Variants in NPM2 observed in about 807,000 individuals in gnomAD.
NPM2 encodes nucleoplasmin-2.
A neutral mutation model predicts 32.0 loss-of-function variants in NPM2; 25 were observed. The observed-to-expected ratio is 0.78, with a 90% CI of 0.57 to 1.09. The LOEUF is 1.09. Among genes scored for constraint, NPM2 ranks in the 50% least tolerant of loss-of-function variants. NPM2 has a pLI of 0.00. For missense variants in NPM2, 282 were observed against 259.9 expected (o/e 1.08, Z -0.58); for synonymous variants, 111 against 94.2 (o/e 1.18, Z -1.04).
intron 6 of NPM2, 119 bp from the exon 7 acceptor site, chr8:22,033,990 T>C: frequency 6.9e-7 from 1 of 1,452,322 alleles, no homozygotes. Flanking sequence ...CACTGTCAAC[T>C]CCAGGCTAGG....
rs184446605 is a variant in NPM2 at position 22,032,203 on chromosome 8, C to A, written c.271-927C>A. Among the ~76,000 whole-genome samples, 2 of 152,124 alleles carry A rather than the reference C, an allele frequency of 1.3e-5. 1 individual carries two copies. Among genetic ancestry groups the A allele is most frequent in the Non-Finnish European group, 2.9e-5 (2 of 68,028 alleles). On this transcript the variant is annotated intron_variant, in intron 5 of 9. Transcript: ENST00000518119. ...AAAACAATAAGCTATCATTGTCATT[C>A]GAGAAAATTTGGGAAGTTTGGAAAA...
At chr8:22,029,330 G>C (rs533804645) in intron 5 of NPM2, among the ~76,000 whole-genome samples, 1 of 152,170 alleles carries the variant, frequency 6.6e-6, no homozygotes, top group South Asian at 2.1e-4. Context: ...TTTTAGTAGA[G>C]ACAGGGATTC....
chr8:22,025,146 G>A lies in NPM2; in HGVS notation c.-33-70G>A, dbSNP rs373769340. The A allele has an allele frequency of 2.3e-3, 3,038 of 1,328,822 alleles. 9 individuals carry two copies. Among genetic ancestry groups the A allele is most frequent in the Non-Finnish European group, 2.7e-3 (2,621 of 965,714 alleles). The allele number at this position is 1,328,822 out of a possible 1,614,324, so 82.3% of individuals were successfully genotyped here. A position where few individuals can be genotyped will look rare whatever the true frequency, so the allele number is the denominator to read the frequency against. On this transcript the variant is annotated intron_variant, in intron 2 of 9. Transcript: ENST00000518119. ...CCCTCAGTACCTGCCGATGCCTGCT[G>A]GTCTCTGGCATCCTCCAGTCGAGGG...
At chr8:22,036,243 C>T in intron 8 of NPM2, 1 of 474,638 alleles carries the variant, frequency 2.1e-6, no homozygotes, top group East Asian at 3.8e-5. Flanking sequence ...AACCAGACTC[C>T]ATCTCAAAAA....
chr8:22,035,739 G>A (rs1800596793), intron 8 of NPM2, among the ~76,000 whole-genome samples: 1 of 152,140 alleles, frequency 6.6e-6, no homozygotes, highest in Admixed American at 6.5e-5. Flanking sequence ...TTCAAGACCA[G>A]CCTTGCCAAC....
At chr8:22,026,768 T>C (rs746793605) in intron 5 of NPM2, among the ~76,000 whole-genome samples, 7 of 152,210 alleles carry the variant, frequency 4.6e-5, no homozygotes, top group Non-Finnish European at 1.0e-4. Flanking sequence ...TTTCTTTCTT[T>C]CTTTCTTTTA....
chr8:22,034,806 T>C (rs745502252), intron 8 of NPM2, among the ~76,000 whole-genome samples: 19 of 152,216 alleles, frequency 1.2e-4, no homozygotes, highest in Non-Finnish European at 2.4e-4. Flanking sequence ...GGAAATTACC[T>C]GCACTAAGAT....
At chr8:22,026,314 G>A (rs1800252313) in intron 5 of NPM2, among the ~76,000 whole-genome samples, 1 of 152,114 alleles carries the variant, frequency 6.6e-6, no homozygotes, top group African/African-American at 2.4e-5. Context: ...AATGATTGGA[G>A]ACTGCTGCTT....
rs751503973 is a variant in NPM2 at position 22,025,710 on chromosome 8, C to T, written c.208C>T (p.Gln70Ter). The T allele has an allele frequency of 4.3e-6, 7 of 1,613,926 alleles. No homozygotes were observed. In the Admixed American group the frequency reaches 1.2e-4, roughly 27 times the overall value. ...CGTGGAGATCCTGCCCCCAGCAAAC[C>T]AGGAGGACAAGAAGATGCAGCCGGT... ...HRVEILPPANQEDKKMQPVTI... is the reference protein window; with the variant it reads ...HRVEILPPAN The change falls in exon 5 of 10, where the codon CAG (glutamine) becomes TAG (stop). Residue 70 changes from glutamine to a stop codon, truncating the protein, a stop_gained. Transcript: ENST00000518119. LOFTEE classifies it high-confidence loss of function.
At chr8:22,034,087 A>C in intron 6 of NPM2, 22 bp from the exon 7 acceptor site, 1 of 1,565,810 alleles carries the variant, frequency 6.4e-7, no homozygotes, top group Non-Finnish European at 8.6e-7. Flanking sequence ...GTGCCCCTGC[A>C]TCCTTTCCCA....
chr8:22,033,225 TA>T lies in NPM2; in HGVS notation c.364+4del. 1 of 1,613,008 alleles carries T rather than the reference TA, an allele frequency of 6.2e-7. No individual in the cohort carries two copies. The highest frequency in any genetic ancestry group is 8.5e-7 in the Non-Finnish European group (1 of 1,179,056). ...TCCTCAGTGGCCAGGAACGTTATGG[TA>T]AGTCAGAGCCTGCGATCAGGAAGGT... On this transcript the variant is annotated splice_donor_region_variant and intron_variant, in intron 6 of 9. Transcript: ENST00000518119.
chr8:22,034,013 C>A, intron 6 of NPM2, 96 bp from the exon 7 acceptor site: 1 of 1,497,554 alleles, frequency 6.7e-7, no homozygotes, highest in Non-Finnish European at 8.9e-7. Context: ...TCCTCCAGGG[C>A]AGTGCTTGGA....
At chr8:22,030,077 T>C (rs1397493454) in intron 5 of NPM2, among the ~76,000 whole-genome samples, 1 of 152,140 alleles carries the variant, frequency 6.6e-6, no homozygotes, top group African/African-American at 2.4e-5. Flanking sequence ...CAATTAGATA[T>C]ATGTTGGGCC....
intron 7 of NPM2, 62 bp downstream of exon 7, chr8:22,034,337 G>A (rs965016998): frequency 3.3e-5 from 50 of 1,507,100 alleles, no homozygotes; most frequent in Non-Finnish European, 3.6e-5. Flanking sequence ...ACTTAAGAGG[G>A]GTGGGCCACC....
intron 6 of NPM2, 38 bp downstream of exon 6, chr8:22,033,261 C>T (rs769817764): frequency 6.6e-7 from 1 of 1,504,970 alleles, no homozygotes; most frequent in South Asian, 1.1e-5. Context: ...TCCGTGAGTA[C>T]CGTGCTAGGC....
In NPM2 at chr8:22,033,120, C is replaced by G; in HGVS notation, c.271-10C>G. On this transcript the variant is annotated splice_polypyrimidine_tract_variant and intron_variant, in intron 5 of 9. Transcript: ENST00000518119. ...AGTGGCCCTGTCTTCTCTGCTTCCT[C>G]CCCCTGCAGGTCTCCATGGTAGGAG... The G allele has an allele frequency of 6.2e-7, 1 of 1,611,132 alleles. No homozygotes were observed. The highest frequency in any genetic ancestry group is 8.5e-7 in the Non-Finnish European group (1 of 1,177,306).
Position 22,035,251 on chromosome 8 carries a change from A to G in NPM2, c.566+707A>G, listed in dbSNP as rs138512136. Among the ~76,000 whole-genome samples, 661 of 152,336 alleles carry G rather than the reference A, an allele frequency of 4.3e-3. 5 individuals carry two copies. The highest frequency in any genetic ancestry group is 0.015 in the African/African-American group (632 of 41,574). Reference sequence around the variant, plus strand: ...CATAATGCTTATGAAGAATATAGCAACCTGGAAAGTATGTGTATAGTTTTG... The same window carrying G: ...CATAATGCTTATGAAGAATATAGCAGCCTGGAAAGTATGTGTATAGTTTTG... On this transcript the variant is annotated intron_variant, in intron 8 of 9. Transcript: ENST00000518119.
intron 5 of NPM2, among the ~76,000 whole-genome samples, chr8:22,027,486 C>G (rs1456082021): frequency 1.3e-5 from 2 of 152,168 alleles, no homozygotes; most frequent in African/African-American, 4.8e-5. Context: ...ATAAATATCC[C>G]AAATTTAACA....
intron 5 of NPM2, 81 bp downstream of exon 5, chr8:22,025,853 C>G: frequency 6.3e-7 from 1 of 1,576,356 alleles, no homozygotes; most frequent in Non-Finnish European, 8.7e-7. Flanking sequence ...CACGAGGGTG[C>G]ATTCACCCTA....
Sources: allele counts gnomAD v4.1 joint callset (sites outside exome capture counted in the v4.1 genomes callset), GRCh38; gene constraint gnomAD v4.1.1; transcripts MANE v1.5; gene names NCBI Gene and HGNC (gene_info 2026-07-23, HGNC 2026-07-21).